CD226: variants seen among roughly 807,000 people sequenced by gnomAD.
CD226 encodes the protein CD226 antigen.
In CD226, 24 loss-of-function variants were observed where a neutral mutation model predicts 34.9. The observed-to-expected ratio is 0.69, with a 90% CI of 0.50 to 0.97. The LOEUF (loss-of-function observed/expected upper bound fraction) is 0.97, where lower values mean the gene tolerates loss of function less well. Ranked by LOEUF, CD226 falls within the 50% of genes least tolerant of loss-of-function variation. The probability of loss-of-function intolerance (pLI) is 0.00; values close to 1 mark genes in which losing one functional copy is unlikely to be tolerated. For missense variants in CD226, 397 were observed against 412.7 expected (o/e 0.96, Z 0.33); for synonymous variants, 148 against 147.4 (o/e 1.00, Z -0.03).
chr18:69,890,765 G>A (rs757247611), intron 3 of CD226, among the ~76,000 whole-genome samples: 11 of 152,068 alleles, frequency 7.2e-5, no homozygotes, highest in Non-Finnish European at 1.5e-4. Flanking sequence ...CCCTGTGTAG[G>A]ACACCTTTGT....
rs184944999 is a variant in CD226 at position 69,857,534 on chromosome 18, G to C, written c.*6780C>G. On this transcript the variant is annotated 3_prime_UTR_variant, in exon 6 of 6. Coordinates refer to ENST00000582621, the MANE Select transcript of CD226 (RefSeq NM_001303618.2). ...TAAAGGATGTAATGAATACATGATT[G>C]AATAAGGATATATCTTAAGAATGCA... The C allele has an allele frequency of 6.6e-6, 1 of 152,264 alleles. No individual in the cohort carries two copies. The highest frequency in any genetic ancestry group is 1.5e-5 in the Non-Finnish European group (1 of 68,026). The allele number at this position is 152,264 out of a possible 1,614,324, so 9.4% of individuals were successfully genotyped here. A position where few individuals can be genotyped will look rare whatever the true frequency, so the allele number is the denominator to read the frequency against.
chr18:69,895,196 A>T (rs1221541395), intron 3 of CD226, among the ~76,000 whole-genome samples: 1 of 152,190 alleles, frequency 6.6e-6, no homozygotes, highest in Non-Finnish European at 1.5e-5. Context: ...CATCTGAAAA[A>T]GACTGAGAGA....
intron 3 of CD226, 85 bp downstream of exon 3, chr18:69,895,616 G>T: frequency 2.1e-6 from 2 of 969,714 alleles, no homozygotes; most frequent in Non-Finnish European, 3.2e-6. Context: ...AAATGAACAT[G>T]TTTACCATAA....
intron 2 of CD226, among the ~76,000 whole-genome samples, chr18:69,916,150 C>T (rs956071640): frequency 1.1e-4 from 16 of 152,144 alleles, no homozygotes; most frequent in Non-Finnish European, 1.6e-4. Context: ...CTGATGATTT[C>T]AGCAACCAGA....
chr18:69,881,308 C>T (rs1053112865), intron 3 of CD226, among the ~76,000 whole-genome samples: 1 of 152,180 alleles, frequency 6.6e-6, no homozygotes, highest in Non-Finnish European at 1.5e-5. Context: ...TCAGGTCATA[C>T]AAAGTTTTGA....
At chr18:69,871,047 G>A (rs945924493) in intron 4 of CD226, among the ~76,000 whole-genome samples, 7 of 152,126 alleles carry the variant, frequency 4.6e-5, no homozygotes, top group Non-Finnish European at 1.5e-5. Context: ...GTTCAATTTA[G>A]CTATTCATGT....
chr18:69,884,563 C>G (rs544300926), intron 3 of CD226, among the ~76,000 whole-genome samples: 1 of 152,318 alleles, frequency 6.6e-6, no homozygotes, highest in South Asian at 2.1e-4. Flanking sequence ...TCTCGAGGAC[C>G]TGGGAGCCAT....
intron 3 of CD226, among the ~76,000 whole-genome samples, chr18:69,890,336 C>T (rs574911263): frequency 6.6e-6 from 1 of 152,278 alleles, no homozygotes; most frequent in Admixed American, 6.5e-5. Context: ...GTGGTTCACA[C>T]TACCAATCCC....
chr18:69,908,734 C>T (rs1188908687), intron 2 of CD226, among the ~76,000 whole-genome samples: 1 of 152,188 alleles, frequency 6.6e-6, no homozygotes, highest in African/African-American at 2.4e-5. Flanking sequence ...CAGGACAAAG[C>T]ACATGTTCTT....
rs947305861 is a variant in CD226, at chr18:69,856,871, C to T, written c.*7443G>A. ...TAAAATCAATAATCTAGGCTTCCAC[C>T]TTAAGAAACTAAGGAGGCCGGGCGC... is the stretch of plus-strand genomic sequence containing the variant. On this transcript the variant is annotated 3_prime_UTR_variant, in exon 6 of 6. Transcript: ENST00000582621. 1 of 152,070 alleles carries T rather than the reference C, an allele frequency of 6.6e-6. No individual in the cohort carries two copies. Among genetic ancestry groups the T allele is most frequent in the African/African-American group, 2.4e-5 (1 of 41,414 alleles). The allele number at this position is 152,070 out of a possible 1,614,324, so 9.4% of individuals were successfully genotyped here.
At chr18:69,960,540 C>T (rs1211218495), upstream of CD226, among the ~76,000 whole-genome samples, 1 of 152,212 alleles carries the variant, frequency 6.6e-6, no homozygotes, top group Non-Finnish European at 1.5e-5. Flanking sequence ...ACCTCCACTA[C>T]CTGGGTTCAA....
chr18:69,893,120 T>G (rs1465810597), intron 3 of CD226, among the ~76,000 whole-genome samples: 6 of 152,242 alleles, frequency 3.9e-5, no homozygotes, highest in Admixed American at 3.9e-4. Context: ...GGAATTAAAC[T>G]GAAACATACA....
intron 3 of CD226, among the ~76,000 whole-genome samples, chr18:69,882,398 T>A (rs546434068): frequency 6.6e-6 from 1 of 152,344 alleles, no homozygotes; most frequent in East Asian, 1.9e-4. Context: ...ATTAGCTACT[T>A]CTTCTGGTGC....
chr18:69,914,759 T>C (rs916424370), intron 2 of CD226, among the ~76,000 whole-genome samples: 6 of 152,194 alleles, frequency 3.9e-5, no homozygotes, highest in African/African-American at 1.4e-4. Context: ...ATGTCCCAAA[T>C]TCTGAGCCAA....
At chr18:69,881,537 A>G (rs576769784) in intron 3 of CD226, among the ~76,000 whole-genome samples, 1 of 152,336 alleles carries the variant, frequency 6.6e-6, no homozygotes, top group African/African-American at 2.4e-5. Context: ...TGAGATTTAA[A>G]TCAAGCATGC....
chr18:69,870,127 G>A lies in CD226; in HGVS notation c.831-2716C>T, dbSNP rs182439241. On this transcript the variant is annotated intron_variant, in intron 4 of 5. Coordinates refer to ENST00000582621, the MANE Select transcript of CD226 (RefSeq NM_001303618.2). ...AAGAGATTTTCAATGCCAAAACCCA[G>A]AGAGCCCCGAAAACCAAGGTTCCCT... is the stretch of plus-strand genomic sequence containing the variant. Among the ~76,000 whole-genome samples the A allele has an allele frequency of 4.3e-4, 66 of 151,904 alleles. No homozygotes were observed. The East Asian group carries it at 7.8e-3, about 18-fold the overall frequency.
rs928299564 is a variant in CD226 at position 69,862,360 on chromosome 18, A to C, written c.*1954T>G. On this transcript the variant is annotated 3_prime_UTR_variant, in exon 6 of 6. Coordinates refer to ENST00000582621, the MANE Select transcript of CD226 (RefSeq NM_001303618.2). The stretch of plus-strand genomic sequence containing the variant: ...AAAGAAATTATTTACCTTTTAATTG[A>C]TGCTAAGCTTGCTTCACCATGCAAA... 6.6e-6 allele frequency: 1 copy of C among 152,156 alleles called. No individual in the cohort carries two copies. Among genetic ancestry groups the C allele is most frequent in the African/African-American group, 2.4e-5 (1 of 41,460 alleles). 9.4% of individuals were successfully genotyped at this position (152,156 alleles called of 1,614,324 possible).
At chr18:69,909,347 C>A (rs1043701535) in intron 2 of CD226, among the ~76,000 whole-genome samples, 1 of 152,138 alleles carries the variant, frequency 6.6e-6, no homozygotes, top group African/African-American at 2.4e-5. Context: ...CCACTTCTGC[C>A]AAATGGAAAC....
upstream of CD226, among the ~76,000 whole-genome samples, chr18:69,952,387 G>A (rs1413570407): frequency 6.6e-6 from 1 of 152,114 alleles, no homozygotes; most frequent in South Asian, 2.1e-4. Context: ...TAATAAAACT[G>A]CCCTTGTACA....
Sources: allele counts gnomAD v4.1 joint callset (sites outside exome capture counted in the v4.1 genomes callset), GRCh38; gene constraint gnomAD v4.1.1; transcripts MANE v1.5; gene names NCBI Gene and HGNC (gene_info 2026-07-23, HGNC 2026-07-21).